POFUT2: variants seen among roughly 807,000 people sequenced by gnomAD.
POFUT2 encodes protein O-fucosyltransferase 2.
Under a neutral mutation model 55.0 loss-of-function variants are expected in POFUT2, and 30 were observed. That is an observed-to-expected ratio of 0.55 (90% CI 0.41 to 0.74). POFUT2 has a LOEUF of 0.74. POFUT2 is among the 30% of genes least tolerant of loss of function. The pLI is 0.00. For synonymous variants in POFUT2, 267 were observed against 231.1 expected (o/e 1.16, Z -1.41); for missense variants, 524 against 562.6 (o/e 0.93, Z 0.69).
chr21:45,276,776 G>A (rs139781940), intron 6 of POFUT2, among the ~76,000 whole-genome samples: 138 of 152,246 alleles, frequency 9.1e-4, no homozygotes, highest in African/African-American at 3.0e-3. Context: ...ATGACTGCCC[G>A]TGTTACTAAA....
chr21:45,287,700 G>A (rs1299906240), intron 1 of POFUT2, 41 bp downstream of exon 1: 1 of 1,314,182 alleles, frequency 7.6e-7, no homozygotes, highest in Non-Finnish European at 9.8e-7. Context: ...ACCCTGCCCG[G>A]TCCTGGAACC....
intron 6 of POFUT2, 92 bp downstream of exon 6, chr21:45,276,925 C>T (rs568918430): frequency 1.4e-6 from 2 of 1,423,968 alleles, no homozygotes; most frequent in Non-Finnish European, 9.7e-7. Flanking sequence ...GACACGCCAA[C>T]CCTGCTGTGA....
At chr21:45,268,674 G>T (rs1395962388) in intron 7 of POFUT2, among the ~76,000 whole-genome samples, 1 of 136,614 alleles carries the variant, frequency 7.3e-6, no homozygotes, top group Non-Finnish European at 1.6e-5. Flanking sequence ...GCCTGGCCAC[G>T]ACCCCGTCTG....
chr21:45,280,687 C>T (rs1039588101), intron 4 of POFUT2, among the ~76,000 whole-genome samples: 2 of 147,930 alleles, frequency 1.4e-5, no homozygotes, highest in East Asian at 1.9e-4. Flanking sequence ...GTCCCTCACT[C>T]GCTGAGTTTC....
Position 45,285,931 on chromosome 21 carries a change from G to C in POFUT2, c.132-3C>G. 6.3e-7 allele frequency: 1 copy of C among 1,597,464 alleles called. No homozygotes were observed. The highest frequency in any genetic ancestry group is 2.2e-5 in the East Asian group (1 of 44,586). ...GGTTGACGTCATACAGAAGATACCT[G>C]AGCAGGGAGAAGGAGGACCACAGGT... On this transcript the variant is annotated splice_region_variant and splice_polypyrimidine_tract_variant and intron_variant, in intron 1 of 8. Coordinates refer to ENST00000349485, the MANE Select transcript of POFUT2 (RefSeq NM_133635.6). This position sits in a 1 kb window ranked among gnomAD's most constrained non-coding sequence, Gnocchi z 4.9.
rs375551990 is a variant in POFUT2, at chr21:45,284,427, C to T, written c.383-900G>A. Among the ~76,000 whole-genome samples the T allele has an allele frequency of 5.3e-5, 8 of 152,170 alleles. No individual in the cohort carries two copies. The highest frequency in any genetic ancestry group is 1.7e-4 in the African/African-American group (7 of 41,430). ...TATGTCAGCCACATCAGGAGCTCAC[C>T]GTGTGCAGTCTCTTGGCAGCCTCGC... On this transcript the variant is annotated intron_variant, in intron 2 of 8. Coordinates refer to ENST00000349485, the MANE Select transcript of POFUT2 (RefSeq NM_133635.6). This position sits in a 1 kb window ranked among gnomAD's most constrained non-coding sequence, Gnocchi z 5.8.
chr21:45,277,727 C>T lies in POFUT2; in HGVS notation c.705+376G>A, dbSNP rs148911140. 1.2e-3 allele frequency: 314 copies of T among 254,622 alleles called. 2 individuals carry two copies. Among genetic ancestry groups the T allele is most frequent in the African/African-American group, 6.0e-3 (266 of 44,454 alleles). The allele number at this position is 254,622 out of a possible 1,614,324, so 15.8% of individuals were successfully genotyped here. ...GTCACCCCATCAATGCGGAAATCAA[C>T]GCCAACGGAAAAGACCCGCTGCAGA... On this transcript the variant is annotated intron_variant, in intron 5 of 8. Coordinates refer to ENST00000349485, the MANE Select transcript of POFUT2 (RefSeq NM_133635.6). This position sits in a 1 kb window ranked among gnomAD's most constrained non-coding sequence, Gnocchi z 6.9.
intron 6 of POFUT2, 91 bp downstream of exon 6, chr21:45,276,926 C>T: frequency 8.4e-6 from 12 of 1,428,596 alleles, no homozygotes; most frequent in Non-Finnish European, 1.2e-5. Context: ...ACACGCCAAC[C>T]CTGCTGTGAC....
intron 4 of POFUT2, among the ~76,000 whole-genome samples, chr21:45,280,191 C>G (rs924323701): frequency 3.3e-5 from 5 of 152,260 alleles, no homozygotes; most frequent in Non-Finnish European, 5.9e-5. Context: ...TTGCTCTGCC[C>G]CGTCCTCAGG....
chr21:45,283,663 A>G, intron 2 of POFUT2, 136 bp from the exon 3 acceptor site: 1 of 876,376 alleles, frequency 1.1e-6, no homozygotes, highest in South Asian at 1.6e-5. Flanking sequence ...AGGCTCACAA[A>G]AGCAGAGACA....
At chr21:45,280,077 G>A (rs1315208747) in intron 4 of POFUT2, among the ~76,000 whole-genome samples, 1 of 152,158 alleles carries the variant, frequency 6.6e-6, no homozygotes, top group Non-Finnish European at 1.5e-5. Context: ...GGCGCGGGTA[G>A]AGGACATTCC....
At position 45,285,395 on chromosome 21, in the gene POFUT2, C is replaced by G. The variant is rs756027381; in HGVS notation, c.382+283G>C. On this transcript the variant is annotated intron_variant, in intron 2 of 8. Transcript: ENST00000349485. This position sits in a 1 kb window ranked among gnomAD's most constrained non-coding sequence, Gnocchi z 4.9. ...TCACTATAACACCCAGGGGTGGCCG[C>G]TTTCTTAGGGTGTAAGGGCGGCTCT... 4.6e-6 allele frequency: 2 copies of G among 434,500 alleles called. No homozygotes were observed. The highest frequency in any genetic ancestry group is 3.4e-5 in the Admixed American group (1 of 29,722). The allele number at this position is 434,500 out of a possible 1,614,324, so 26.9% of individuals were successfully genotyped here. A position where few individuals can be genotyped will look rare whatever the true frequency, so the allele number is the denominator to read the frequency against.
In POFUT2 at chr21:45,287,888, G is replaced by T; in HGVS notation, c.-17C>A. 7.7e-7 allele frequency: 1 copy of T among 1,302,334 alleles called. No individual in the cohort carries two copies. 80.7% of individuals were successfully genotyped at this position (1,302,334 alleles called of 1,614,324 possible). On this transcript the variant is annotated 5_prime_UTR_variant, in exon 1 of 9. Transcript: ENST00000349485. ...TGTCGCCATGGCCCCGGGCGGCCAC[G>T]CACTTCCGGCGGCCGCGCCCCGCCC...
intron 4 of POFUT2, 88 bp from the exon 5 acceptor site, chr21:45,278,257 G>A (rs564161356): frequency 1.5e-5 from 18 of 1,171,838 alleles, no homozygotes; most frequent in South Asian, 4.9e-5. Context: ...GGAGAACCCC[G>A]GGCCGAGGAA....
In POFUT2 at chr21:45,264,314, T is replaced by G. The variant is rs900136487; in HGVS notation, c.*1168A>C. 1 of 152,262 alleles carries G rather than the reference T, an allele frequency of 6.6e-6. No homozygotes were observed. The highest frequency in any genetic ancestry group is 2.4e-5 in the African/African-American group (1 of 41,454). The allele number at this position is 152,262 out of a possible 1,614,324, so 9.4% of individuals were successfully genotyped here. A position where few individuals can be genotyped will look rare whatever the true frequency, so the allele number is the denominator to read the frequency against. On this transcript the variant is annotated 3_prime_UTR_variant, in exon 9 of 9. Transcript: ENST00000349485. ...AGGACTCAGCCCCCACCAACCTGAC[T>G]GAGGGTCACACGACACCATGGTGGA...
intron 2 of POFUT2, 59 bp from the exon 3 acceptor site, chr21:45,283,586 C>G: frequency 6.4e-7 from 1 of 1,568,206 alleles, no homozygotes. Context: ...CACTTACGGG[C>G]ATGCATCAGT....
chr21:45,280,389 T>C (rs992623032), intron 4 of POFUT2, among the ~76,000 whole-genome samples: 73 of 152,212 alleles, frequency 4.8e-4, no homozygotes, highest in African/African-American at 1.7e-3. Context: ...CTCTATCCAG[T>C]GCGTGGCTGA....
intron 8 of POFUT2, chr21:45,266,731 A>G: frequency 1.0e-6 from 1 of 998,472 alleles, no homozygotes; most frequent in Non-Finnish European, 1.2e-6. Flanking sequence ...ACCACAGGAA[A>G]TAGCAGATGT....
chr21:45,282,909 C>T lies in POFUT2; in HGVS notation c.528-450G>A, dbSNP rs527778674. 1.9e-5 allele frequency: 9 copies of T among 474,136 alleles called. No homozygotes were observed. The highest frequency in any genetic ancestry group is 1.4e-4 in the East Asian group (2 of 14,486). The allele number at this position is 474,136 out of a possible 1,614,324, so 29.4% of individuals were successfully genotyped here. On this transcript the variant is annotated intron_variant, in intron 3 of 8. Transcript: ENST00000349485. The surrounding 1 kb of genome is among the most constrained non-coding windows in gnomAD (Gnocchi z 4.6). ...TAGTGTCAGAGCCTTTAATGGCAAT[C>T]GACACTTGGGACTGACAAGACCTCC...
Sources: gnomAD v4.1 joint callset for allele counts (sites outside exome capture counted in the v4.1 genomes callset) on GRCh38, gnomAD v4.1.1 for gene constraint, Gnocchi (gnomAD v3.1) non-coding constraint, MANE v1.5 for transcripts, NCBI Gene and HGNC (gene_info 2026-07-23, HGNC 2026-07-21) for gene names.